The following IMPDH1 variants were observed in gnomAD, a reference collection of about 807,000 sequenced individuals.
IMPDH1 encodes inosine-5'-monophosphate dehydrogenase 1.
In IMPDH1, 41 loss-of-function variants were observed where a neutral mutation model predicts 73.5. That is an observed-to-expected ratio of 0.56 (90% confidence interval 0.43 to 0.72). IMPDH1 has a LOEUF of 0.72. Ranked by LOEUF, IMPDH1 falls within the 30% of genes least tolerant of loss-of-function variation. The pLI is 0.00. For missense variants in IMPDH1, 645 were observed against 824.8 expected, an observed-to-expected ratio of 0.78 and a Z score of 2.67; for synonymous variants, 318 against 334.3, an observed-to-expected ratio of 0.95 and a Z score of 0.53.
chr7:128,393,127 G>GAGAGCTGAGA, intron 16 of IMPDH1, 99 bp from the exon 17 acceptor site: 4 of 1,336,766 alleles, frequency 3.0e-6, no homozygotes, highest in Non-Finnish European at 4.3e-6. Context: ...GGAGAGAACA[G>GAGAGCTGAGA]AGAGCTGAGA....
Position 128,396,965 on chromosome 7 carries a change from TC to T in IMPDH1, c.1131del (p.Lys378SerfsTer7), listed in dbSNP as rs769775049. Reference protein sequence around the residue: ...YQIAMVHYIKQKYPHLQVIGG... With the variant: ...YQIAMVHYIKXKYPHLQVIGG... ...CCAATCACCTGGAGGTGGGGGTACT[TC>T]TGTTTGATGTAATGCACCATGGCGA... is the stretch of plus-strand genomic sequence containing the variant. On this transcript the variant is annotated frameshift_variant, in exon 11 of 17. Transcript: ENST00000338791. LOFTEE classifies it high-confidence loss of function. The surrounding 1 kb of genome is among the most constrained non-coding windows in gnomAD (Gnocchi z 4.0). The T allele has an allele frequency of 1.2e-6, 2 of 1,613,738 alleles. No individual in the cohort carries two copies. Among genetic ancestry groups the T allele is most frequent in the African/African-American group, 2.7e-5 (2 of 74,864 alleles).
rs1797626990 is a variant in IMPDH1 at position 128,392,879 on chromosome 7, T to C, written c.*128A>G. Reference sequence around the variant, plus strand: ...AGTCCCCTCAGGACCTCCCCTCCTCTCTGCCTGGAAAGGAGCTGGAGAACC... The same window carrying C: ...AGTCCCCTCAGGACCTCCCCTCCTCCCTGCCTGGAAAGGAGCTGGAGAACC... On this transcript the variant is annotated 3_prime_UTR_variant, in exon 17 of 17. Coordinates refer to ENST00000338791, the MANE Select transcript of IMPDH1 (RefSeq NM_000883.4). 2 of 926,468 alleles carry C rather than the reference T, an allele frequency of 2.2e-6. No individual in the cohort carries two copies. Among genetic ancestry groups the C allele is most frequent in the South Asian group, 1.4e-5 (1 of 71,084 alleles). 57.4% of individuals were successfully genotyped at this position (926,468 alleles called of 1,614,324 possible).
At position 128,400,479 on chromosome 7, in the gene IMPDH1, C is replaced by A. The variant is rs766776530; in HGVS notation, c.640G>T (p.Asp214Tyr). 1 of 1,612,640 alleles carries A rather than the reference C, an allele frequency of 6.2e-7. No homozygotes were observed. Among genetic ancestry groups the A allele is most frequent in the East Asian group, 2.2e-5 (1 of 44,882 alleles). ...VVLSPSHTVG[D>Y]VLEAKMRHGF... ...TGCCGCATCTTGGCCTCCAGCACAT[C>A]GCCCACAGTGTGCGAGGGGCTCAGC... The change falls in exon 8 of 17, where the codon GAT (aspartate) becomes TAT (tyrosine). Residue 214 changes from aspartate to tyrosine, a missense_variant. Around this residue, in one of 2 missense-constraint regions of IMPDH1, gnomAD observed 459 missense variants for 638.2 expected, o/e 0.72. Coordinates refer to ENST00000338791, the MANE Select transcript of IMPDH1 (RefSeq NM_000883.4).
In IMPDH1 at chr7:128,409,804, G is replaced by A. The variant is rs1304560406; in HGVS notation, c.98C>T (p.Ala33Val). The A allele has an allele frequency of 3.3e-6, 5 of 1,500,968 alleles. No homozygotes were observed. The highest frequency in any genetic ancestry group is 2.1e-5 in the Admixed American group (1 of 46,772). 93.0% of individuals were successfully genotyped at this position (1,500,968 alleles called of 1,614,324 possible). A position where few individuals can be genotyped will look rare whatever the true frequency, so the allele number is the denominator to read the frequency against. ...ARQHPGHETAAQRYSARLLQA... is the reference protein window; with the variant it reads ...ARQHPGHETAVQRYSARLLQA... ...CAGCAGTCGGGCGCTGTACCGCTGCGCCGCCGTCTCGTGTCCCGGGTGTTG... is the reference window on the plus strand; with the variant it reads ...CAGCAGTCGGGCGCTGTACCGCTGCACCGCCGTCTCGTGTCCCGGGTGTTG... The change falls in exon 1 of 17, where the codon GCG (alanine) becomes GTG (valine). Residue 33 changes from alanine to valine, a missense_variant. Physicochemically the swap from Ala to Val is moderately conservative, Grantham distance 64. Coordinates refer to ENST00000338791, the MANE Select transcript of IMPDH1 (RefSeq NM_000883.4).
Position 128,403,720 on chromosome 7 carries a change from T to C in IMPDH1, c.388A>G (p.Ile130Val), listed in dbSNP as rs1311406554. Reference sequence around the variant, plus strand: ...GAGGTACTCACCACCTCATCAGCTATGAAGTCTATGAATCCTGGGAGAATC... The same window carrying C: ...GAGGTACTCACCACCTCATCAGCTACGAAGTCTATGAATCCTGGGAGAATC... The part of the protein sequence containing the change: ...FLILPGFIDF[I>V]ADEVDLTSAL... The change falls in exon 5 of 17, where the codon ATA (isoleucine) becomes GTA (valine). Residue 130 changes from isoleucine to valine, a missense_variant. Ile to Val is a conservative substitution (Grantham distance 29). Coordinates refer to ENST00000338791, the MANE Select transcript of IMPDH1 (RefSeq NM_000883.4). 6.2e-7 allele frequency: 1 copy of C among 1,613,982 alleles called. No homozygotes were observed. The highest frequency in any genetic ancestry group is 8.5e-7 in the Non-Finnish European group (1 of 1,179,860).
chr7:128,405,299 C>T (rs1309791362), intron 4 of IMPDH1, among the ~76,000 whole-genome samples: 1 of 152,200 alleles, frequency 6.6e-6, no homozygotes, highest in Non-Finnish European at 1.5e-5. Context: ...CTGGAAAAAG[C>T]GCTGGACTAG....
At chr7:128,406,158 C>G (rs991992727) in intron 3 of IMPDH1, among the ~76,000 whole-genome samples, 18 of 147,114 alleles carry the variant, frequency 1.2e-4, no homozygotes, top group African/African-American at 4.2e-4. Flanking sequence ...TGCAGCGGCG[C>G]TGCGACCCCG....
At position 128,392,986 on chromosome 7, in the gene IMPDH1, C is replaced by G. The variant is rs779077195; in HGVS notation, c.*21G>C. Reference sequence around the variant, plus strand: ...ACACTGGGGTGCATCCCCTCCACCACCTCGGCCTCCACCGCTGTCCTCAGT... The same window carrying G: ...ACACTGGGGTGCATCCCCTCCACCAGCTCGGCCTCCACCGCTGTCCTCAGT... On this transcript the variant is annotated 3_prime_UTR_variant, in exon 17 of 17. Coordinates refer to ENST00000338791, the MANE Select transcript of IMPDH1 (RefSeq NM_000883.4). 9.3e-6 allele frequency: 15 copies of G among 1,613,556 alleles called. No individual in the cohort carries two copies. In the South Asian group the frequency reaches 1.6e-4, roughly 18 times the overall value.
Position 128,395,023 on chromosome 7 carries a change from G to A in IMPDH1, c.1416C>T (p.Gly472=). ...LALGASTVMM[G]SLLAATTEAP... Reference sequence around the variant, plus strand: ...CCTCCGTAGTGGCGGCCAGCAGGGAGCCCATCATCACTACAGTGGGCAAGG... The same window carrying A: ...CCTCCGTAGTGGCGGCCAGCAGGGAACCCATCATCACTACAGTGGGCAAGG... The change falls in exon 14 of 17, where the codon GGC becomes GGT. Residue 472 remains glycine, a synonymous_variant. Transcript: ENST00000338791. 1.2e-6 allele frequency: 2 copies of A among 1,613,960 alleles called. No homozygotes were observed. Among genetic ancestry groups the A allele is most frequent in the Non-Finnish European group, 8.5e-7 (1 of 1,180,030 alleles).
intron 3 of IMPDH1, among the ~76,000 whole-genome samples, chr7:128,407,828 G>C (rs756341587): frequency 6.6e-6 from 1 of 152,118 alleles, no homozygotes; most frequent in Non-Finnish European, 1.5e-5. Context: ...TGTGACATCT[G>C]CCCCAGCCTT....
At chr7:128,405,483 C>G (rs1371678802) in intron 4 of IMPDH1, among the ~76,000 whole-genome samples, 2 of 152,186 alleles carry the variant, frequency 1.3e-5, no homozygotes, top group African/African-American at 4.8e-5. Context: ...ATCTCCAGTT[C>G]CCACACGCCC....
chr7:128,408,402 G>A (rs1798915823), intron 3 of IMPDH1, among the ~76,000 whole-genome samples: 2 of 152,194 alleles, frequency 1.3e-5, no homozygotes, highest in Admixed American at 6.5e-5. Flanking sequence ...AAGCCAGAGA[G>A]CAATAACACT....
chr7:128,400,290 GT>G (rs749940880), intron 8 of IMPDH1, 42 bp downstream of exon 8: 2 of 1,606,378 alleles, frequency 1.2e-6, no homozygotes, highest in African/African-American at 2.7e-5. Flanking sequence ...CAGCGTGAGG[GT>G]CCTCTCTACA....
In IMPDH1 at chr7:128,397,130, G is replaced by A. The variant is rs1447687582; in HGVS notation, c.1075-108C>T. The A allele has an allele frequency of 8.2e-6, 6 of 733,776 alleles. No individual in the cohort carries two copies. In the Admixed American group the frequency reaches 1.3e-4, roughly 16 times the overall value. The allele number at this position is 733,776 out of a possible 1,614,324, so 45.5% of individuals were successfully genotyped here. A position where few individuals can be genotyped will look rare whatever the true frequency, so the allele number is the denominator to read the frequency against. On this transcript the variant is annotated intron_variant, in intron 10 of 16. Transcript: ENST00000338791. ...TCAAATCCTATGAAAACTGTTATGA[G>A]AATGCTCTTTCCTTCTGGTTGTTTT...
chr7:128,395,944 G>T (rs76268380), intron 12 of IMPDH1, among the ~76,000 whole-genome samples: 5,230 of 152,304 alleles, frequency 0.034, 217 homozygotes, highest in East Asian at 0.21. Flanking sequence ...AGGACCAAAA[G>T]GGGGAGCTGT....
At position 128,396,851 on chromosome 7, in the gene IMPDH1, A is replaced by C. The variant is rs1797952257; in HGVS notation, c.1165+81T>G. 3.3e-6 allele frequency: 4 copies of C among 1,215,548 alleles called. No homozygotes were observed. In the South Asian group the frequency reaches 4.9e-5, roughly 15 times the overall value. 75.3% of individuals were successfully genotyped at this position (1,215,548 alleles called of 1,614,324 possible). On this transcript the variant is annotated intron_variant, in intron 11 of 16. Transcript: ENST00000338791. This position sits in a 1 kb window ranked among gnomAD's most constrained non-coding sequence, Gnocchi z 4.0. ...CACCCATGCCAGGAGCCATACCATCACCTAGGGATGCTGAAGGACAGAAAA... is the reference window on the plus strand; with the variant it reads ...CACCCATGCCAGGAGCCATACCATCCCCTAGGGATGCTGAAGGACAGAAAA...
rs919134795 is a variant in IMPDH1 at position 128,392,683 on chromosome 7, G to C, written c.*324C>G. 1 of 377,142 alleles carries C rather than the reference G, an allele frequency of 2.7e-6. No homozygotes were observed. The highest frequency in any genetic ancestry group is 5.5e-5 in the East Asian group (1 of 18,266). 23.4% of individuals were successfully genotyped at this position (377,142 alleles called of 1,614,324 possible). A position where few individuals can be genotyped will look rare whatever the true frequency, so the allele number is the denominator to read the frequency against. On this transcript the variant is annotated 3_prime_UTR_variant, in exon 17 of 17. Coordinates refer to ENST00000338791, the MANE Select transcript of IMPDH1 (RefSeq NM_000883.4). Reference sequence around the variant, plus strand: ...GTGCCCTACAGGAGAAGCCAGGAGGGGCCGCCTGCCCCTGGGGTGGGGGCC... The same window carrying C: ...GTGCCCTACAGGAGAAGCCAGGAGGCGCCGCCTGCCCCTGGGGTGGGGGCC...
chr7:128,394,856 G>A lies in IMPDH1; in HGVS notation c.1550+33C>T. ...AGCGGGCCCTGAAGGGTTGTGGGCT[G>A]ATCTGCCCAGGTGGGGCCCAGGGTC... On this transcript the variant is annotated intron_variant, in intron 14 of 16. Coordinates refer to ENST00000338791, the MANE Select transcript of IMPDH1 (RefSeq NM_000883.4). The surrounding 1 kb of genome is among the most constrained non-coding windows in gnomAD (Gnocchi z 5.5). The A allele has an allele frequency of 1.9e-6, 3 of 1,609,934 alleles. No homozygotes were observed. Among genetic ancestry groups the A allele is most frequent in the Non-Finnish European group, 2.5e-6 (3 of 1,179,580 alleles).
chr7:128,402,767 A>G (rs1798429293), intron 5 of IMPDH1, among the ~76,000 whole-genome samples: 1 of 152,180 alleles, frequency 6.6e-6, no homozygotes, highest in Admixed American at 6.5e-5. Context: ...TTTTCTTGAA[A>G]TGACTTACAC....
Sources: allele counts gnomAD v4.1 joint callset (sites outside exome capture counted in the v4.1 genomes callset), GRCh38; gene constraint gnomAD v4.1.1; regional missense constraint gnomAD v4.1.1; non-coding constraint Gnocchi (gnomAD v3.1); transcripts MANE v1.5; gene names NCBI Gene and HGNC (gene_info 2026-07-23, HGNC 2026-07-21).